Variants in AZI2 observed in about 807,000 individuals in gnomAD.
AZI2 encodes 5-azacytidine induced 2.
A neutral mutation model predicts 45.8 loss-of-function variants in AZI2; 22 were observed. The ratio of observed to expected loss-of-function variants is 0.48; its 90% CI spans 0.34 to 0.69. AZI2 has a LOEUF of 0.69. AZI2 is among the 30% of genes least tolerant of loss of function. The pLI, the probability that AZI2 is intolerant of heterozygous loss-of-function variation, is 0.01. For synonymous variants in AZI2, 137 were observed against 156.7 expected, an observed-to-expected ratio of 0.87 and a Z score of 0.94; for missense variants, 417 against 441.5, an observed-to-expected ratio of 0.94 and a Z score of 0.50.
intron 7 of AZI2, chr3:28,325,136 A>AC (rs1356806763): frequency 2.0e-5 from 3 of 150,378 alleles, no homozygotes; most frequent in South Asian, 4.2e-4. Flanking sequence ...AAAAAAAAAA[A>AC]AAAAAACAGC....
chr3:28,322,245 T>C lies in AZI2; in HGVS notation c.*1797A>G, dbSNP rs946357735. ...ACTGTTTAAATGGAAAATAATTTTCTCCACTCAAAAGCTGGTTTAACAAAT... is the reference window on the plus strand; with the variant it reads ...ACTGTTTAAATGGAAAATAATTTTCCCCACTCAAAAGCTGGTTTAACAAAT... On this transcript the variant is annotated 3_prime_UTR_variant, in exon 8 of 8. Transcript: ENST00000479665. 6.6e-6 allele frequency: 1 copy of C among 151,286 alleles called. No individual in the cohort carries two copies. Among genetic ancestry groups the C allele is most frequent in the African/African-American group, 2.4e-5 (1 of 41,346 alleles). 9.4% of individuals were successfully genotyped at this position (151,286 alleles called of 1,614,324 possible). A position where few individuals can be genotyped will look rare whatever the true frequency, so the allele number is the denominator to read the frequency against.
intron 1 of AZI2, among the ~76,000 whole-genome samples, chr3:28,347,511 G>C (rs1006104195): frequency 6.6e-6 from 1 of 152,166 alleles, no homozygotes; most frequent in African/African-American, 2.4e-5. Flanking sequence ...TAGAAACTAT[G>C]CTTTGGTGCC....
intron 5 of AZI2, 138 bp downstream of exon 5, chr3:28,336,599 G>T: frequency 1.0e-6 from 1 of 961,198 alleles, no homozygotes; most frequent in African/African-American, 1.7e-5. Flanking sequence ...AGATAAACAA[G>T]AATTTTTTAA....
chr3:28,330,922 G>A (rs925183530), intron 6 of AZI2, among the ~76,000 whole-genome samples: 1 of 151,362 alleles, frequency 6.6e-6, no homozygotes, highest in African/African-American at 2.4e-5. Flanking sequence ...GAGCTTTAAA[G>A]AATTGCGAGA....
chr3:28,329,915 G>A (rs1703514196), intron 6 of AZI2, among the ~76,000 whole-genome samples: 1 of 151,076 alleles, frequency 6.6e-6, no homozygotes, highest in African/African-American at 2.4e-5. Flanking sequence ...TGTTCTTTCT[G>A]ACTTATTCCA....
intron 2 of AZI2, among the ~76,000 whole-genome samples, 192 bp downstream of exon 2, chr3:28,340,210 C>CA (rs1186788974): frequency 2.6e-5 from 4 of 151,678 alleles, no homozygotes; most frequent in South Asian, 2.1e-4. Context: ...TCCTCTCCTA[C>CA]AAATATTTAC....
At chr3:28,336,421 A>C (rs1387392060) in intron 5 of AZI2, among the ~76,000 whole-genome samples, 1 of 152,084 alleles carries the variant, frequency 6.6e-6, no homozygotes, top group Non-Finnish European at 1.5e-5. Context: ...AGTTCTCTTT[A>C]AACTTTACAG....
In AZI2 at chr3:28,332,815, G is replaced by GT. The variant is rs990172534; in HGVS notation, c.589-389dup. On this transcript the variant is annotated intron_variant, in intron 5 of 7. Coordinates refer to ENST00000479665, the MANE Select transcript of AZI2 (RefSeq NM_022461.5). ...GAATGAATTCTATGGGAAAATGGAA[G>GT]TTTTTTTGGTATTTCACTTTTTCGT... Among the ~76,000 whole-genome samples the GT allele has an allele frequency of 3.3e-5, 5 of 151,620 alleles. 1 individual carries two copies. The highest frequency in any genetic ancestry group is 9.7e-5 in the African/African-American group (4 of 41,340).
At chr3:28,334,638 G>T (rs527866498) in intron 5 of AZI2, among the ~76,000 whole-genome samples, 1 of 152,006 alleles carries the variant, frequency 6.6e-6, no homozygotes, top group South Asian at 2.1e-4. Flanking sequence ...ATCAGTTAAA[G>T]AAAGTGATTT....
intron 6 of AZI2, among the ~76,000 whole-genome samples, chr3:28,329,175 T>C (rs1217609987): frequency 6.6e-6 from 1 of 151,252 alleles, no homozygotes; most frequent in Non-Finnish European, 1.5e-5. Context: ...CAAATAATGA[T>C]GGCTGAGCAC....
intron 6 of AZI2, among the ~76,000 whole-genome samples, chr3:28,328,074 CTT>C (rs1703447061): frequency 6.7e-6 from 1 of 150,026 alleles, no homozygotes; most frequent in South Asian, 2.1e-4. Flanking sequence ...GGTGAAATAC[CTT>C]TTTGTCAATA....
chr3:28,327,998 T>C (rs1370919772), intron 6 of AZI2, among the ~76,000 whole-genome samples: 1 of 150,224 alleles, frequency 6.7e-6, no homozygotes, highest in Non-Finnish European at 1.5e-5. Flanking sequence ...TGAAATCTAA[T>C]ATCTCAAATT....
At position 28,324,111 on chromosome 3, in the gene AZI2, CAA is replaced by C. The variant is rs1185532458; in HGVS notation, c.1108_1109del (p.Leu370AlafsTer15). On this transcript the variant is annotated frameshift_variant, in exon 8 of 8. Transcript: ENST00000479665. LOFTEE classifies it high-confidence loss of function. ...TAFGETKTKT[L>X]PLPNLPPLHY... The stretch of plus-strand genomic sequence containing the variant: ...GCAGTGGTGGAAGGTTGGGTAAAGG[CAA>C]AGTTTTAGTTTTAGTTTCCCCAAAT... 6.2e-7 allele frequency: 1 copy of C among 1,610,088 alleles called. No homozygotes were observed. The highest frequency in any genetic ancestry group is 1.3e-5 in the African/African-American group (1 of 74,524).
At chr3:28,335,143 T>C (rs751405626) in intron 5 of AZI2, among the ~76,000 whole-genome samples, 5 of 152,018 alleles carry the variant, frequency 3.3e-5, no homozygotes, top group Admixed American at 6.6e-5. Context: ...ATGTCTACTT[T>C]ACAGAAAACA....
chr3:28,327,340 T>C (rs1250829653), intron 6 of AZI2, among the ~76,000 whole-genome samples: 2 of 151,146 alleles, frequency 1.3e-5, no homozygotes, highest in African/African-American at 4.8e-5. Context: ...CATTCAAATA[T>C]GGATCAATTT....
rs1391885430 is a variant in AZI2 at position 28,327,386 on chromosome 3, G to C, written c.648-436C>G. Among the ~76,000 whole-genome samples the C allele has an allele frequency of 4.0e-5, 6 of 150,962 alleles. No homozygotes were observed. The East Asian group carries it at 9.7e-4, about 24-fold the overall frequency. On this transcript the variant is annotated intron_variant, in intron 6 of 7. Transcript: ENST00000479665. ...TTTGATTGTTTTGACACTGTGAATTGAAATGATATATCAACTGCTGAATAT... is the reference window on the plus strand; with the variant it reads ...TTTGATTGTTTTGACACTGTGAATTCAAATGATATATCAACTGCTGAATAT...
intron 5 of AZI2, among the ~76,000 whole-genome samples, chr3:28,336,010 CCTTG>C: frequency 6.6e-6 from 1 of 152,186 alleles, no homozygotes; most frequent in Non-Finnish European, 1.5e-5. Flanking sequence ...TCTCACACTA[CCTTG>C]CTTCTTTATC....
At chr3:28,337,668 C>T (rs1455587520) in intron 4 of AZI2, among the ~76,000 whole-genome samples, 1 of 152,094 alleles carries the variant, frequency 6.6e-6, no homozygotes, top group Admixed American at 6.6e-5. Context: ...TGCTTCTGGG[C>T]TTCTACTCTT....
chr3:28,324,375 G>T lies in AZI2; in HGVS notation c.846C>A (p.Tyr282Ter), dbSNP rs776260141. The T allele has an allele frequency of 1.9e-6, 3 of 1,571,436 alleles. No homozygotes were observed. The highest frequency in any genetic ancestry group is 2.6e-6 in the Non-Finnish European group (3 of 1,158,688). ...KLHLMNFTAT[Y>*]TRHPPLLPNG... Reference sequence around the variant, plus strand: ...TTGGTAAGAGAGGGGGATGTCTTGTGTATGTTGCAGTAAAATTCATCAAGT... The same window carrying T: ...TTGGTAAGAGAGGGGGATGTCTTGTTTATGTTGCAGTAAAATTCATCAAGT... Residue 282 changes from tyrosine (Y) to a stop codon, truncating the protein, a stop_gained, in exon 8 of 8, where the codon TAC becomes TAA. Transcript: ENST00000479665. LOFTEE classifies it high-confidence loss of function.
Sources: allele counts gnomAD v4.1 joint callset (sites outside exome capture counted in the v4.1 genomes callset), GRCh38; gene constraint gnomAD v4.1.1; transcripts MANE v1.5; gene names NCBI Gene and HGNC (gene_info 2026-07-23, HGNC 2026-07-21).